The following XXYLT1 variants were observed in gnomAD, a reference collection of about 807,000 sequenced individuals.
The protein encoded by XXYLT1 is UDP-xylose:alpha-xyloside alpha-1,3-xylosyltransferase.
Under a neutral mutation model 28.9 loss-of-function variants are expected in XXYLT1, and 20 were observed. The observed-to-expected ratio is 0.69, with a 90% CI of 0.49 to 1.00. The LOEUF (loss-of-function observed/expected upper bound fraction) is 1.00. Among genes scored for constraint, XXYLT1 ranks in the 50% least tolerant of loss-of-function variants. The pLI is 0.00. For missense variants in XXYLT1, 542 were observed against 560.1 expected, an observed-to-expected ratio of 0.97 and a Z score of 0.33; for synonymous variants, 257 against 253.8, an observed-to-expected ratio of 1.01 and a Z score of -0.12.
At chr3:195,084,146 C>T (rs930537113) in intron 3 of XXYLT1, among the ~76,000 whole-genome samples, 3 of 152,176 alleles carry the variant, frequency 2.0e-5, no homozygotes, top group African/African-American at 7.2e-5. Context: ...AATAACATCA[C>T]AGAAAGGATT....
At position 195,129,517 on chromosome 3, in the gene XXYLT1, G is replaced by A. The variant is rs114807709; in HGVS notation, c.785+26932C>T. ...CTTCTGTGACGGGCTTCTTTCACTC[G>A]TCTTAATGCTTTCAAGGTGCATCGT... On this transcript the variant is annotated intron_variant, in intron 3 of 3. Transcript: ENST00000310380. The surrounding 1 kb of genome is among the most constrained non-coding windows in gnomAD (Gnocchi z 4.4). 2.0e-3 allele frequency among the ~76,000 whole-genome samples: 301 copies of A among 152,204 alleles called. 4 individuals are homozygous for A. Among genetic ancestry groups the A allele is most frequent in the African/African-American group, 5.2e-3 (215 of 41,524 alleles).
At chr3:195,244,966 G>A (rs1724955727) in intron 1 of XXYLT1, among the ~76,000 whole-genome samples, 1 of 149,608 alleles carries the variant, frequency 6.7e-6, no homozygotes, top group African/African-American at 2.4e-5. Context: ...GGGAGTTCAA[G>A]ACCAGCCTGA....
chr3:195,101,244 T>C (rs1291403882), intron 3 of XXYLT1, among the ~76,000 whole-genome samples: 3 of 152,288 alleles, frequency 2.0e-5, no homozygotes, highest in Non-Finnish European at 4.4e-5. Context: ...AATGTTCGAC[T>C]TAATTGATTG....
intron 3 of XXYLT1, among the ~76,000 whole-genome samples, chr3:195,082,214 G>T (rs1053896268): frequency 1.3e-5 from 2 of 152,196 alleles, no homozygotes; most frequent in Admixed American, 6.5e-5. Flanking sequence ...TGGCGGGCGC[G>T]TAAGGCAACC....
At chr3:195,097,358 T>A (rs13321995) in intron 3 of XXYLT1, among the ~76,000 whole-genome samples, 73,656 of 151,690 alleles carry the variant, frequency 0.49, 18,854 homozygotes, top group East Asian at 0.96. Context: ...TGACGCGGGT[T>A]ACAGCAATGG....
At chr3:195,226,212 C>T (rs931070177) in intron 2 of XXYLT1, among the ~76,000 whole-genome samples, 1 of 152,190 alleles carries the variant, frequency 6.6e-6, no homozygotes, top group Admixed American at 6.5e-5. Flanking sequence ...TGGAGACAGA[C>T]GCCCAGAAAA....
Position 195,078,363 on chromosome 3 carries a change from G to A in XXYLT1, c.786-8252C>T, listed in dbSNP as rs772242564. On this transcript the variant is annotated intron_variant, in intron 3 of 3. Coordinates refer to ENST00000310380, the MANE Select transcript of XXYLT1 (RefSeq NM_152531.5). This position sits in a 1 kb window ranked among gnomAD's most constrained non-coding sequence, Gnocchi z 5.0. The stretch of plus-strand genomic sequence containing the variant: ...CCTCACACTGACAGCCGAGAGGCCC[G>A]TAGCGAGTCAGGCCATGGGGGCCTT... 4.6e-5 allele frequency among the ~76,000 whole-genome samples: 7 copies of A among 152,090 alleles called. No individual in the cohort carries two copies. Among genetic ancestry groups the A allele is most frequent in the African/African-American group, 9.7e-5 (4 of 41,404 alleles).
intron 1 of XXYLT1, among the ~76,000 whole-genome samples, chr3:195,261,839 T>G (rs539158410): frequency 6.6e-6 from 1 of 152,188 alleles, no homozygotes; most frequent in Non-Finnish European, 1.5e-5. Context: ...CCCACTAGAA[T>G]AGCTGTAATT....
chr3:195,082,741 C>A (rs938063620), intron 3 of XXYLT1, among the ~76,000 whole-genome samples: 3 of 151,814 alleles, frequency 2.0e-5, no homozygotes, highest in Non-Finnish European at 4.4e-5. Flanking sequence ...CCCAGCTACT[C>A]GGGAGGCTGA....
chr3:195,127,647 C>CG (rs1718704107), intron 3 of XXYLT1, among the ~76,000 whole-genome samples: 1 of 152,024 alleles, frequency 6.6e-6, no homozygotes, highest in Non-Finnish European at 1.5e-5. Flanking sequence ...CATGGTGACA[C>CG]GTGCCTGTAG....
intron 2 of XXYLT1, among the ~76,000 whole-genome samples, chr3:195,192,326 G>A (rs989134983): frequency 6.6e-6 from 1 of 151,904 alleles, no homozygotes; most frequent in African/African-American, 2.4e-5. Flanking sequence ...TTGGGAGGCC[G>A]AGGTTGTAGA....
At chr3:195,212,327 A>G (rs1723357450) in intron 2 of XXYLT1, among the ~76,000 whole-genome samples, 1 of 152,210 alleles carries the variant, frequency 6.6e-6, no homozygotes, top group Non-Finnish European at 1.5e-5. Flanking sequence ...GCCACTGGGA[A>G]GAAAAGGGCC....
intron 1 of XXYLT1, among the ~76,000 whole-genome samples, chr3:195,259,059 T>C (rs1465857124): frequency 6.6e-6 from 1 of 152,222 alleles, no homozygotes; most frequent in Non-Finnish European, 1.5e-5. Context: ...ACCAAGCACC[T>C]GCCATGTGCC....
At chr3:195,259,668 C>G (rs946580517) in intron 1 of XXYLT1, 48 of 985,362 alleles carry the variant, frequency 4.9e-5, no homozygotes, top group Non-Finnish European at 5.7e-5. Flanking sequence ...CAATTAAGGA[C>G]GCCGGGCTCC....
intron 3 of XXYLT1, among the ~76,000 whole-genome samples, chr3:195,149,719 G>A (rs1285345805): frequency 1.3e-5 from 2 of 152,060 alleles, no homozygotes; most frequent in African/African-American, 4.8e-5. Context: ...TCACTATTGC[G>A]GACTAGTTAT....
chr3:195,194,332 C>T (rs1048319054), intron 2 of XXYLT1, among the ~76,000 whole-genome samples: 2 of 151,912 alleles, frequency 1.3e-5, no homozygotes, highest in Non-Finnish European at 2.9e-5. Flanking sequence ...AGATGCTTCA[C>T]CTGACTAGTC....
chr3:195,258,725 G>A lies in XXYLT1; in HGVS notation c.504+11830C>T, dbSNP rs374615656. Among the ~76,000 whole-genome samples the A allele has an allele frequency of 3.2e-3, 487 of 152,336 alleles. 2 individuals carry two copies. The highest frequency in any genetic ancestry group is 0.011 in the African/African-American group (468 of 41,584). On this transcript the variant is annotated intron_variant, in intron 1 of 3. Coordinates refer to ENST00000310380, the MANE Select transcript of XXYLT1 (RefSeq NM_152531.5). The stretch of plus-strand genomic sequence containing the variant: ...CTTCCAGCAGGAAAGAGAAAGTGTG[G>A]ATGCCCCTGAACATCAAATAAGGCT...
Position 195,223,897 on chromosome 3 carries a change from C to T in XXYLT1, c.652+2812G>A, listed in dbSNP as rs533087146. ...TGCTGCCGGGCGCGGTGGCTCATGC[C>T]TGTAATCCCAGCACTTTGGGAGGCC... On this transcript the variant is annotated intron_variant, in intron 2 of 3. Coordinates refer to ENST00000310380, the MANE Select transcript of XXYLT1 (RefSeq NM_152531.5). Among the ~76,000 whole-genome samples the T allele has an allele frequency of 9.2e-5, 14 of 152,332 alleles. No homozygotes were observed. The South Asian group carries it at 2.9e-3, about 32-fold the overall frequency.
chr3:195,149,630 A>G (rs1333986331), intron 3 of XXYLT1, among the ~76,000 whole-genome samples: 2 of 152,178 alleles, frequency 1.3e-5, no homozygotes, highest in Non-Finnish European at 2.9e-5. Context: ...TGCTGCAACT[A>G]TACTGCAATC....
Sources: gnomAD v4.1 joint callset for allele counts (sites outside exome capture counted in the v4.1 genomes callset) on GRCh38, gnomAD v4.1.1 for gene constraint, Gnocchi (gnomAD v3.1) non-coding constraint, MANE v1.5 for transcripts, NCBI Gene and HGNC (gene_info 2026-07-23, HGNC 2026-07-21) for gene names.